FRMD4A: variants seen among roughly 807,000 people sequenced by gnomAD.
FRMD4A encodes the protein FERM domain containing 4A.
A neutral mutation model predicts 129.1 loss-of-function variants in FRMD4A; 29 were observed. The ratio of observed to expected loss-of-function variants is 0.22; its 90% CI spans 0.17 to 0.31. The LOEUF (loss-of-function observed/expected upper bound fraction) is 0.31. Among genes scored for constraint, FRMD4A ranks in the 10% least tolerant of loss-of-function variants. The probability of loss-of-function intolerance (pLI) is 1.00; values close to 1 mark genes in which losing one functional copy is unlikely to be tolerated. For synonymous variants in FRMD4A, 634 were observed against 571.6 expected (o/e 1.11, Z -1.56); for missense variants, 1,272 against 1,375.8 (o/e 0.92, Z 1.19).
At chr10:13,764,435 G>C (rs1438607540) in intron 6 of FRMD4A, among the ~76,000 whole-genome samples, 1 of 152,036 alleles carries the variant, frequency 6.6e-6, no homozygotes, top group Non-Finnish European at 1.5e-5. Context: ...AGCCTGCGGA[G>C]GTTGAGGCTA....
chr10:13,946,678 C>T (rs2095334174), intron 2 of FRMD4A, among the ~76,000 whole-genome samples: 1 of 152,118 alleles, frequency 6.6e-6, no homozygotes, highest in African/African-American at 2.4e-5. Flanking sequence ...TCGCCTTCTC[C>T]TTGCCAAGTG....
At position 14,090,246 on chromosome 10, in the gene FRMD4A, C is replaced by T. The variant is rs533006918; in HGVS notation, c.46-231334G>A. On this transcript the variant is annotated intron_variant, in intron 2 of 24. Transcript: ENST00000357447. ...CGACCGCTGCACGGGAGAGAATATA[C>T]GTGGTATTCACAGGGTACACAGAAG... 2.1e-4 allele frequency among the ~76,000 whole-genome samples: 32 copies of T among 152,292 alleles called. 2 individuals carry two copies. In the South Asian group the frequency reaches 6.6e-3, roughly 32 times the overall value.
chr10:13,838,935 T>G (rs567083388), intron 3 of FRMD4A, among the ~76,000 whole-genome samples: 112 of 151,658 alleles, frequency 7.4e-4, no homozygotes, highest in Non-Finnish European at 7.4e-5. Context: ...CCAATGATGA[T>G]TAAGATAAAT....
At chr10:14,177,319 T>G (rs1334457703) in intron 2 of FRMD4A, among the ~76,000 whole-genome samples, 2 of 152,072 alleles carry the variant, frequency 1.3e-5, no homozygotes, top group Admixed American at 6.5e-5. Flanking sequence ...TGCCTCAGCC[T>G]CCACCATGCC....
intron 15 of FRMD4A, among the ~76,000 whole-genome samples, chr10:13,691,998 A>C (rs1259664342): frequency 6.6e-6 from 1 of 152,154 alleles, no homozygotes; most frequent in African/African-American, 2.4e-5. Context: ...CAAGCTTCAG[A>C]AAGAATGAGC....
chr10:13,895,862 A>AT (rs2094752042), intron 2 of FRMD4A, among the ~76,000 whole-genome samples: 1 of 152,346 alleles, frequency 6.6e-6, no homozygotes, highest in South Asian at 2.1e-4. Context: ...GGCAAAAGAT[A>AT]TGAACAGACA....
intron 3 of FRMD4A, among the ~76,000 whole-genome samples, chr10:13,849,251 G>T (rs867074672): frequency 1.3e-5 from 2 of 152,116 alleles, no homozygotes; most frequent in Non-Finnish European, 2.9e-5. Flanking sequence ...TTCTGCACAC[G>T]CCTTCCCAGC....
intron 2 of FRMD4A, among the ~76,000 whole-genome samples, chr10:13,874,463 G>GAA (rs968409740): frequency 1.9e-4 from 29 of 151,934 alleles, no homozygotes; most frequent in African/African-American, 7.0e-4. Context: ...AGCCAAAAAG[G>GAA]AAAAAACTAT....
chr10:14,143,332 C>T (rs1294659794), intron 2 of FRMD4A, among the ~76,000 whole-genome samples: 2 of 152,220 alleles, frequency 1.3e-5, no homozygotes, highest in Non-Finnish European at 2.9e-5. Context: ...ACAGGCTACA[C>T]ATGGGTGAAA....
chr10:13,978,711 C>CA (rs2095550553), intron 2 of FRMD4A, among the ~76,000 whole-genome samples: 1 of 152,006 alleles, frequency 6.6e-6, no homozygotes, highest in Non-Finnish European at 1.5e-5. Context: ...CCTGAGAACC[C>CA]AAAAAACTCA....
intron 2 of FRMD4A, among the ~76,000 whole-genome samples, chr10:14,227,916 C>T (rs1172255867): frequency 2.0e-5 from 3 of 152,094 alleles, no homozygotes; most frequent in Non-Finnish European, 4.4e-5. Context: ...GCTCTGTCAC[C>T]AGGCTGGAGT....
intron 9 of FRMD4A, among the ~76,000 whole-genome samples, chr10:13,744,243 AT>A (rs1209816027): frequency 6.6e-6 from 1 of 152,072 alleles, no homozygotes; most frequent in African/African-American, 2.4e-5. Flanking sequence ...GTGGTCCAGC[AT>A]TTACAAACTA....
chr10:14,220,522 A>AT (rs1843214929), intron 2 of FRMD4A, among the ~76,000 whole-genome samples: 1 of 152,128 alleles, frequency 6.6e-6, no homozygotes, highest in Non-Finnish European at 1.5e-5. Context: ...CAATAATTGA[A>AT]TTTTTTGTAT....
At chr10:13,883,771 C>T (rs981778940) in intron 2 of FRMD4A, among the ~76,000 whole-genome samples, 3 of 152,196 alleles carry the variant, frequency 2.0e-5, no homozygotes, top group Admixed American at 1.3e-4. Context: ...ACACACTCCG[C>T]CCTGTCTAGG....
intron 2 of FRMD4A, among the ~76,000 whole-genome samples, chr10:13,981,349 T>C (rs2095559994): frequency 2.0e-5 from 3 of 152,058 alleles, no homozygotes; most frequent in Admixed American, 2.0e-4. Context: ...CTGTGAATAA[T>C]GAATCGAGAG....
intron 6 of FRMD4A, among the ~76,000 whole-genome samples, chr10:13,781,620 C>T (rs757068314): frequency 2.6e-5 from 4 of 151,972 alleles, no homozygotes; most frequent in Non-Finnish European, 5.9e-5. Context: ...TCAGGTGATC[C>T]GCCTGCCTCG....
At chr10:14,021,404 A>G (rs551897928) in intron 2 of FRMD4A, among the ~76,000 whole-genome samples, 74 of 151,888 alleles carry the variant, frequency 4.9e-4, no homozygotes, top group African/African-American at 1.6e-3. Flanking sequence ...AAATAATAAA[A>G]AAAACAGCTG....
chr10:13,944,177 G>A (rs1456708075), intron 2 of FRMD4A, among the ~76,000 whole-genome samples: 3 of 152,168 alleles, frequency 2.0e-5, no homozygotes, highest in South Asian at 4.1e-4. Flanking sequence ...GAGGCGAGCC[G>A]TGAGAGAGTG....
chr10:14,317,632 T>TAA (rs1471060019), intron 2 of FRMD4A, among the ~76,000 whole-genome samples: 1 of 149,126 alleles, frequency 6.7e-6, no homozygotes, highest in Non-Finnish European at 1.5e-5. Context: ...GAGACCCTCT[T>TAA]AAAATCTTTT....
Sources: allele counts gnomAD v4.1 joint callset (sites outside exome capture counted in the v4.1 genomes callset), GRCh38; gene constraint gnomAD v4.1.1; transcripts MANE v1.5; gene names NCBI Gene and HGNC (gene_info 2026-07-23, HGNC 2026-07-21).